The following MAP3K13 variants were observed in gnomAD, a reference collection of about 807,000 sequenced individuals.
The protein encoded by MAP3K13 is leucine zipper-bearing kinase.
A neutral mutation model predicts 104.0 loss-of-function variants in MAP3K13; 52 were observed. The ratio of observed to expected loss-of-function variants is 0.50; its 90% CI spans 0.40 to 0.63. The LOEUF (loss-of-function observed/expected upper bound fraction) is 0.63. MAP3K13 is among the 20% of genes least tolerant of loss of function. The pLI, the probability that MAP3K13 is intolerant of heterozygous loss-of-function variation, is 0.00. For missense variants in MAP3K13, 914 were observed against 1,218.5 expected (o/e 0.75, Z 3.72); for synonymous variants, 394 against 442.2 (o/e 0.89, Z 1.37).
rs537752494 is a variant in MAP3K13 at position 185,331,806 on chromosome 3, T to C, written c.-86+46163T>C. ...CGGCTATTATTTTTCCATGTATCTT[T>C]CCAGAGTTTCTTGATATATGTAGTA... On this transcript the variant is annotated intron_variant, in intron 2 of 14. Coordinates refer to the MAP3K13 transcript ENST00000424227. Among the ~76,000 whole-genome samples, 14 of 152,334 alleles carry C rather than the reference T, an allele frequency of 9.2e-5. No homozygotes were observed. In the East Asian group the frequency reaches 2.1e-3, roughly 23 times the overall value.
chr3:185,307,264 A>G (rs1159515500), intron 2 of MAP3K13, among the ~76,000 whole-genome samples: 1 of 151,560 alleles, frequency 6.6e-6, no homozygotes, highest in Non-Finnish European at 1.5e-5. Flanking sequence ...TTTTTCAAGT[A>G]ACCTCTCTGT....
chr3:185,399,456 A>AT (rs1466417129), intron 1 of MAP3K13, among the ~76,000 whole-genome samples: 2 of 151,408 alleles, frequency 1.3e-5, no homozygotes, highest in Non-Finnish European at 2.9e-5. Context: ...TACAAAAAAA[A>AT]TTTTAGCCGG....
At position 185,473,832 on chromosome 3, in the gene MAP3K13, C is replaced by T. The variant is rs979400573; in HGVS notation, c.2430+71C>T. The T allele has an allele frequency of 2.9e-6, 4 of 1,388,178 alleles. No homozygotes were observed. The highest frequency in any genetic ancestry group is 3.9e-6 in the Non-Finnish European group (4 of 1,023,316). 86.0% of individuals were successfully genotyped at this position (1,388,178 alleles called of 1,614,324 possible). On this transcript the variant is annotated intron_variant, in intron 11 of 13. Transcript: ENST00000265026. This position sits in a 1 kb window ranked among gnomAD's most constrained non-coding sequence, Gnocchi z 4.9. ...ATGCCAGAGCCTGTCATGTTATACACATTAGAGAGCATATGTAAAAAGTAT... is the reference window on the plus strand; with the variant it reads ...ATGCCAGAGCCTGTCATGTTATACATATTAGAGAGCATATGTAAAAAGTAT...
intron 11 of MAP3K13, among the ~76,000 whole-genome samples, chr3:185,474,548 C>T (rs918144670): frequency 2.0e-5 from 3 of 152,110 alleles, no homozygotes; most frequent in African/African-American, 7.2e-5. Flanking sequence ...CTTGTTTAAC[C>T]GAGCATTTCC....
rs1402608431 is a variant in MAP3K13, at chr3:185,450,555, CGAG to C, written c.1169+501_1169+503del. Reference sequence around the variant, plus strand: ...GCAGAGATGGGAGGATCACTTGAGGCGAGGAGTTCAAGAGCAGCTTGGGCAACA... The same window carrying C: ...GCAGAGATGGGAGGATCACTTGAGGCGAGTTCAAGAGCAGCTTGGGCAACA... On this transcript the variant is annotated intron_variant, in intron 6 of 13. Coordinates refer to ENST00000265026, the MANE Select transcript of MAP3K13 (RefSeq NM_004721.5). The surrounding 1 kb of genome is among the most constrained non-coding windows in gnomAD (Gnocchi z 4.2). Among the ~76,000 whole-genome samples, 1 of 151,872 alleles carries C rather than the reference CGAG, an allele frequency of 6.6e-6. No homozygotes were observed. The highest frequency in any genetic ancestry group is 2.4e-5 in the African/African-American group (1 of 41,342).
intron 4 of MAP3K13, 109 bp from the exon 5 acceptor site, chr3:185,447,680 T>G: frequency 1.3e-6 from 1 of 793,378 alleles, no homozygotes; most frequent in Non-Finnish European, 2.0e-6. Flanking sequence ...GCAAGCTGAA[T>G]GCTACAAGAT....
At chr3:185,389,216 C>T (rs1347962545) in intron 1 of MAP3K13, among the ~76,000 whole-genome samples, 1 of 152,152 alleles carries the variant, frequency 6.6e-6, no homozygotes, top group East Asian at 1.9e-4. Context: ...TAATCATAGC[C>T]TTCCAAATTT....
upstream of MAP3K13, among the ~76,000 whole-genome samples, chr3:185,361,016 G>T (rs1446743938): frequency 1.3e-5 from 2 of 151,096 alleles, no homozygotes; most frequent in Non-Finnish European, 2.9e-5. Flanking sequence ...TAGTAGAGAT[G>T]GGGTTTCACC....
chr3:185,323,448 C>T (rs1721937389), intron 2 of MAP3K13, among the ~76,000 whole-genome samples: 1 of 151,764 alleles, frequency 6.6e-6, no homozygotes, highest in African/African-American at 2.4e-5. Flanking sequence ...GCAATTCTGC[C>T]TCTGCCTCCC....
chr3:185,425,907 T>A (rs1022208920), intron 1 of MAP3K13, among the ~76,000 whole-genome samples: 2 of 152,212 alleles, frequency 1.3e-5, no homozygotes, highest in African/African-American at 4.8e-5. Context: ...TATCTAACTA[T>A]GTGGCCGTTA....
intron 2 of MAP3K13, among the ~76,000 whole-genome samples, chr3:185,335,096 G>A (rs555970613): frequency 6.7e-6 from 1 of 150,178 alleles, no homozygotes; most frequent in African/African-American, 2.4e-5. Flanking sequence ...GACACTAAAA[G>A]CACTAACCAT....
At position 185,417,379 on chromosome 3, in the gene MAP3K13, GTTCTT is replaced by G. The variant is rs367566707; in HGVS notation, c.-85-11095_-85-11091del. On this transcript the variant is annotated intron_variant, in intron 1 of 13. Coordinates refer to ENST00000265026, the MANE Select transcript of MAP3K13 (RefSeq NM_004721.5). ...GGAAATAATCAAAACACTGATATAT[GTTCTT>G]TTCTTTTCTTTTCTTTTCTTTTTTT... The G allele has an allele frequency of 3.3e-3, 3,619 of 1,089,328 alleles. 12 individuals carry two copies. The highest frequency in any genetic ancestry group is 4.2e-3 in the Non-Finnish European group (3,221 of 765,790). 67.5% of individuals were successfully genotyped at this position (1,089,328 alleles called of 1,614,324 possible). A position where few individuals can be genotyped will look rare whatever the true frequency, so the allele number is the denominator to read the frequency against.
rs1021029490 is a variant in MAP3K13 at position 185,483,042 on chromosome 3, T to C, written c.*586T>C. 2 of 232,020 alleles carry C rather than the reference T, an allele frequency of 8.6e-6. No homozygotes were observed. The highest frequency in any genetic ancestry group is 1.7e-5 in the Non-Finnish European group (2 of 117,442). The allele number at this position is 232,020 out of a possible 1,614,324, so 14.4% of individuals were successfully genotyped here. A position where few individuals can be genotyped will look rare whatever the true frequency, so the allele number is the denominator to read the frequency against. ...CAGGCAACTTGTGAACAGACCATAT[T>C]CACTTCAACCAGCTTGTCCAGGTGG... On this transcript the variant is annotated 3_prime_UTR_variant, in exon 14 of 14. Transcript: ENST00000265026.
At chr3:185,320,483 A>G (rs987377528) in intron 2 of MAP3K13, among the ~76,000 whole-genome samples, 1 of 152,208 alleles carries the variant, frequency 6.6e-6, no homozygotes, top group African/African-American at 2.4e-5. Flanking sequence ...AGAGATCTCA[A>G]TCAGAATTAC....
At chr3:185,400,227 C>T (rs559622284) in intron 1 of MAP3K13, among the ~76,000 whole-genome samples, 1 of 152,356 alleles carries the variant, frequency 6.6e-6, no homozygotes, top group African/African-American at 2.4e-5. Context: ...CAAACAACCA[C>T]GTGATTTCCT....
At chr3:185,357,447 T>TAAAAAAAAA (rs71162295) in intron 2 of MAP3K13, among the ~76,000 whole-genome samples, 34 of 91,280 alleles carry the variant, frequency 3.7e-4, no homozygotes, top group African/African-American at 6.1e-4. Context: ...AAACTCCATC[T>TAAAAAAAAA]AAAAAAAAAA....
At position 185,300,303 on chromosome 3, in the gene MAP3K13, C is replaced by A. The variant is rs137865944; in HGVS notation, c.-86+14660C>A. ...CTCCCCGGTTCAAGCTATTCTCCTG[C>A]CTCAGCCTCCCGAGTAGCTGGGACA... On this transcript the variant is annotated intron_variant, in intron 2 of 14. Coordinates refer to the MAP3K13 transcript ENST00000424227. Among the ~76,000 whole-genome samples, 585 of 151,196 alleles carry A rather than the reference C, an allele frequency of 3.9e-3. 6 individuals carry two copies. Among genetic ancestry groups the A allele is most frequent in the African/African-American group, 0.014 (564 of 41,150 alleles).
At chr3:185,339,583 A>C (rs1459785033) in intron 2 of MAP3K13, among the ~76,000 whole-genome samples, 1 of 152,208 alleles carries the variant, frequency 6.6e-6, no homozygotes, top group East Asian at 1.9e-4. Flanking sequence ...GGGGCTGGGA[A>C]ATTTTTTTCT....
intron 1 of MAP3K13, among the ~76,000 whole-genome samples, chr3:185,367,976 G>A (rs536929196): frequency 7.9e-5 from 12 of 152,172 alleles, no homozygotes; most frequent in African/African-American, 2.9e-4. Flanking sequence ...GGGCAACATG[G>A]CAAAACCCTG....
Sources: allele counts gnomAD v4.1 joint callset (sites outside exome capture counted in the v4.1 genomes callset), GRCh38; gene constraint gnomAD v4.1.1; non-coding constraint Gnocchi (gnomAD v3.1); transcripts MANE v1.5; gene names NCBI Gene and HGNC (gene_info 2026-07-23, HGNC 2026-07-21).